STPG2: variants seen among roughly 807,000 people sequenced by gnomAD.
STPG2 encodes the protein sperm tail PG-rich repeat containing 2.
In STPG2, 56 loss-of-function variants were observed where a neutral mutation model predicts 54.2. That is an observed-to-expected ratio of 1.03 (90% CI 0.83 to 1.29). The LOEUF (loss-of-function observed/expected upper bound fraction) is 1.29, where lower values mean the gene tolerates loss of function less well. STPG2 is among the 50% of genes most tolerant of loss of function. STPG2 has a pLI of 0.00. For missense variants in STPG2, 596 were observed against 544.9 expected (o/e 1.09, Z -0.93); for synonymous variants, 200 against 181.8 (o/e 1.10, Z -0.81).
rs182837631 is a variant in STPG2, at chr4:98,038,220, C to T, written c.613-56902G>A. 1.6e-4 allele frequency among the ~76,000 whole-genome samples: 24 copies of T among 151,606 alleles called. No homozygotes were observed. The East Asian group carries it at 1.7e-3, about 11-fold the overall frequency. ...GACAAACAGATTCTAAAATTAATAA[C>T]GGAAGATCATATGTCTATGAAAAGC... On this transcript the variant is annotated intron_variant, in intron 5 of 10. Coordinates refer to ENST00000295268, the MANE Select transcript of STPG2 (RefSeq NM_174952.3).
intron 4 of STPG2, among the ~76,000 whole-genome samples, chr4:97,477,779 C>T (rs570703642): frequency 3.1e-4 from 47 of 152,024 alleles, no homozygotes; most frequent in African/African-American, 1.1e-3. Flanking sequence ...CGTGAGGAAC[C>T]GCGCCTGGCC....
At chr4:97,924,937 C>A (rs1011635461) in intron 8 of STPG2, among the ~76,000 whole-genome samples, 4 of 152,174 alleles carry the variant, frequency 2.6e-5, no homozygotes, top group Non-Finnish European at 5.9e-5. Context: ...ATAGATGCAG[C>A]AGCAGAATTT....
At chr4:98,102,931 T>C in intron 5 of STPG2, among the ~76,000 whole-genome samples, 1 of 149,672 alleles carries the variant, frequency 6.7e-6, no homozygotes, top group East Asian at 1.9e-4. Flanking sequence ...ATCATATATA[T>C]TATATATTCA....
intron 10 of STPG2, among the ~76,000 whole-genome samples, chr4:97,586,206 T>C (rs1023842467): frequency 2.0e-5 from 3 of 151,642 alleles, no homozygotes; most frequent in African/African-American, 7.3e-5. Context: ...ATGGACACAA[T>C]AATAGAGTGA....
intron 7 of STPG2, among the ~76,000 whole-genome samples, chr4:97,966,970 G>T (rs1333795972): frequency 6.6e-6 from 1 of 152,060 alleles, no homozygotes; most frequent in African/African-American, 2.4e-5. Flanking sequence ...AAAATAACCA[G>T]CTAACATCAT....
intron 4 of STPG2, among the ~76,000 whole-genome samples, chr4:97,504,166 AT>A (rs1350660436): frequency 6.8e-6 from 1 of 146,126 alleles, no homozygotes; most frequent in Non-Finnish European, 1.5e-5. Context: ...ATAAATATTT[AT>A]TTAAATATTT....
At chr4:97,909,045 G>C (rs1321177995) in intron 8 of STPG2, among the ~76,000 whole-genome samples, 2 of 129,948 alleles carry the variant, frequency 1.5e-5, no homozygotes, top group Non-Finnish European at 3.3e-5. Context: ...ATAATAATAA[G>C]TTGTGGCAGC....
At chr4:97,856,813 A>G (rs925279351) in intron 8 of STPG2, among the ~76,000 whole-genome samples, 3 of 152,154 alleles carry the variant, frequency 2.0e-5, no homozygotes, top group Non-Finnish European at 2.9e-5. Flanking sequence ...CATGGCTCTC[A>G]TTATTTTGAA....
intron 1 of STPG2, among the ~76,000 whole-genome samples, chr4:98,134,999 A>G (rs1740099528): frequency 6.6e-6 from 1 of 151,804 alleles, no homozygotes; most frequent in Non-Finnish European, 1.5e-5. Flanking sequence ...TACAAGACAC[A>G]AATTTCTTTG....
chr4:97,577,196 A>G (rs1192824178), intron 10 of STPG2, among the ~76,000 whole-genome samples: 1 of 152,200 alleles, frequency 6.6e-6, no homozygotes, highest in African/African-American at 2.4e-5. Context: ...TTCTCAAAGA[A>G]CTAATATTAG....
chr4:97,574,050 T>C (rs1732662459), intron 10 of STPG2, among the ~76,000 whole-genome samples: 1 of 152,160 alleles, frequency 6.6e-6, no homozygotes, highest in Non-Finnish European at 1.5e-5. Flanking sequence ...TCATTTGCCA[T>C]GAAGGTAACA....
At chr4:97,625,620 C>T (rs944088461) in intron 10 of STPG2, among the ~76,000 whole-genome samples, 1 of 152,138 alleles carries the variant, frequency 6.6e-6, no homozygotes, top group Non-Finnish European at 1.5e-5. Context: ...GCCGCCTCTT[C>T]CTTTCTTATT....
intron 5 of STPG2, among the ~76,000 whole-genome samples, chr4:98,073,216 A>G (rs1738061393): frequency 6.6e-6 from 1 of 152,136 alleles, no homozygotes; most frequent in Non-Finnish European, 1.5e-5. Flanking sequence ...TATAAAACAC[A>G]TATTTAAAAA....
chr4:98,113,818 T>C (rs1310388766), intron 3 of STPG2, among the ~76,000 whole-genome samples: 2 of 151,902 alleles, frequency 1.3e-5, no homozygotes, highest in African/African-American at 2.4e-5. Flanking sequence ...CTGCAACACA[T>C]AGGGTATATA....
intron 9 of STPG2, among the ~76,000 whole-genome samples, chr4:97,824,867 T>C (rs2149107534): frequency 1.3e-5 from 2 of 152,244 alleles, no homozygotes; most frequent in South Asian, 4.1e-4. Flanking sequence ...CCTTTCTGGG[T>C]TGATACCTGC....
intron 4 of STPG2, among the ~76,000 whole-genome samples, chr4:97,467,644 G>GA (rs1729820338): frequency 6.6e-6 from 1 of 151,866 alleles, no homozygotes; most frequent in African/African-American, 2.4e-5. Flanking sequence ...TGGAAATGGA[G>GA]AAAAAACCAT....
At chr4:97,899,356 A>G (rs1321611067) in intron 8 of STPG2, among the ~76,000 whole-genome samples, 1 of 152,052 alleles carries the variant, frequency 6.6e-6, no homozygotes, top group African/African-American at 2.4e-5. Flanking sequence ...TCCCATGCTC[A>G]TGGATAGGAA....
intron 5 of STPG2, among the ~76,000 whole-genome samples, chr4:97,982,327 C>T (rs77388941): frequency 0.013 from 1,898 of 151,736 alleles, 29 homozygotes; most frequent in African/African-American, 0.044. Context: ...TTTGCCAACT[C>T]TATCTCTGTT....
chr4:98,133,141 C>T (rs1445797196), intron 2 of STPG2, among the ~76,000 whole-genome samples: 2 of 151,942 alleles, frequency 1.3e-5, no homozygotes, highest in Non-Finnish European at 2.9e-5. Flanking sequence ...ACAGAGCAAA[C>T]ATTTGAGTGG....
Sources: gnomAD v4.1 joint callset for allele counts (sites outside exome capture counted in the v4.1 genomes callset) on GRCh38, gnomAD v4.1.1 for gene constraint, MANE v1.5 for transcripts, NCBI Gene and HGNC (gene_info 2026-07-23, HGNC 2026-07-21) for gene names.